SAMMSON: variants seen among roughly 807,000 people sequenced by gnomAD.
SAMMSON encodes the protein survival associated mitochondrial melanoma specific oncogenic non-coding RNA, also known as long intergenic non-protein coding RNA 1212.
intron 6 of SAMMSON, among the ~76,000 whole-genome samples, chr3:70,255,394 G>A (rs1701806629): frequency 6.6e-6 from 1 of 152,074 alleles, no homozygotes; most frequent in South Asian, 2.1e-4. Context: ...AAGTAGATAT[G>A]GAATAAGCAT....
intron 4 of SAMMSON, among the ~76,000 whole-genome samples, chr3:70,104,804 A>G (rs141064430): frequency 1.7e-3 from 259 of 152,216 alleles, no homozygotes; most frequent in African/African-American, 5.7e-3. Context: ...TAGAAGCTCA[A>G]TTACCTCCAG....
chr3:70,003,178 A>G (rs959567689), intron 1 of SAMMSON, among the ~76,000 whole-genome samples: 1 of 152,040 alleles, frequency 6.6e-6, no homozygotes. Flanking sequence ...GTTAGTTTAT[A>G]TGGCATGTAT....
chr3:70,194,554 C>G (rs952409042), intron 4 of SAMMSON, among the ~76,000 whole-genome samples: 1 of 152,174 alleles, frequency 6.6e-6, no homozygotes, highest in Non-Finnish European at 1.5e-5. Flanking sequence ...CCGACCCTTT[C>G]TGTTATAGCA....
rs370834939 is a variant in SAMMSON at position 70,084,825 on chromosome 3, G to A, written n.507+13260G>A. The A allele has an allele frequency of 3.3e-5, 5 of 152,340 alleles. No individual in the cohort carries two copies. The East Asian group carries it at 5.8e-4, about 18-fold the overall frequency. 9.4% of individuals were successfully genotyped at this position (152,340 alleles called of 1,614,324 possible). On this transcript the variant is annotated intron_variant and non_coding_transcript_variant, in intron 4 of 9. Coordinates refer to ENST00000642114, the Ensembl canonical transcript of SAMMSON. ...CTTTGTTTAATTTGCAAGCAATTTT[G>A]TGAGGTAAGTGCCACTAGTATCCCC...
In SAMMSON at chr3:70,218,146, T is replaced by C. The variant is rs571155585; in HGVS notation, n.508-30961T>C. 1.3e-5 allele frequency among the ~76,000 whole-genome samples: 2 copies of C among 152,290 alleles called. 1 individual carries two copies. The highest frequency in any genetic ancestry group is 3.9e-4 in the East Asian group (2 of 5,166). On this transcript the variant is annotated intron_variant and non_coding_transcript_variant, in intron 4 of 9. Coordinates refer to ENST00000642114, the Ensembl canonical transcript of SAMMSON. Reference sequence around the variant, plus strand: ...TTCTTGATAGTCCACTTGGTGGAAATTTAGCCCAGTGGTCTCCAAAGTGGC... The same window carrying C: ...TTCTTGATAGTCCACTTGGTGGAAACTTAGCCCAGTGGTCTCCAAAGTGGC...
At chr3:70,232,404 AT>A (rs200752002) in intron 4 of SAMMSON, among the ~76,000 whole-genome samples, 29,300 of 144,906 alleles carry the variant, frequency 0.2, 2,974 homozygotes, top group Non-Finnish European at 0.24. Flanking sequence ...TGATGTTCCT[AT>A]TTTTTTTTTT....
chr3:70,083,677 G>C (rs1378440739), intron 4 of SAMMSON, among the ~76,000 whole-genome samples: 6 of 152,114 alleles, frequency 3.9e-5, no homozygotes, highest in African/African-American at 1.2e-4. Flanking sequence ...CTGAAGCTTT[G>C]TTTGGTGAAC....
chr3:70,407,937 C>T (rs569853593), intron 2 of SAMMSON, among the ~76,000 whole-genome samples: 1 of 152,372 alleles, frequency 6.6e-6, no homozygotes, highest in African/African-American at 2.4e-5. Context: ...CTAAGCATGT[C>T]CATACTTCTT....
rs985187047 is a variant in SAMMSON, at chr3:70,301,057, A to G, written n.739+9814A>G. Among the ~76,000 whole-genome samples the G allele has an allele frequency of 2.0e-5, 3 of 152,180 alleles. 1 individual carries two copies. Among genetic ancestry groups the G allele is most frequent in the African/African-American group, 7.2e-5 (3 of 41,552 alleles). On this transcript the variant is annotated intron_variant and non_coding_transcript_variant, in intron 7 of 9. Coordinates refer to ENST00000642114, the Ensembl canonical transcript of SAMMSON. ...GCTCTTTATGTTATAGTTTTTCCTC[A>G]TTTAAAAAAGACGATGTTAGCTATT... is the stretch of plus-strand genomic sequence containing the variant.
chr3:70,102,428 A>C (rs1045584774), intron 4 of SAMMSON, among the ~76,000 whole-genome samples: 1 of 152,196 alleles, frequency 6.6e-6, no homozygotes, highest in Non-Finnish European at 1.5e-5. Flanking sequence ...AAATTTGAAG[A>C]CCATCTGTAG....
intron 3 of SAMMSON, among the ~76,000 whole-genome samples, chr3:70,070,504 A>C (rs1282355908): frequency 6.6e-6 from 1 of 152,062 alleles, no homozygotes; most frequent in Admixed American, 6.6e-5. Flanking sequence ...TGCTTTGCCA[A>C]ATATCTTACT....
intron 6 of SAMMSON, among the ~76,000 whole-genome samples, chr3:70,260,111 A>G (rs917648670): frequency 1.3e-5 from 2 of 152,184 alleles, no homozygotes; most frequent in African/African-American, 4.8e-5. Flanking sequence ...ATTGGCTTAC[A>G]GTTCTAAAGG....
chr3:70,289,190 G>T (rs1702201055), intron 6 of SAMMSON, among the ~76,000 whole-genome samples: 1 of 149,900 alleles, frequency 6.7e-6, no homozygotes, highest in Non-Finnish European at 1.5e-5. Flanking sequence ...TTTTGCAGCG[G>T]CTGGTACCGG....
intron 7 of SAMMSON, among the ~76,000 whole-genome samples, chr3:70,303,414 A>T (rs1033708643): frequency 8.5e-5 from 13 of 152,140 alleles, no homozygotes; most frequent in African/African-American, 2.9e-4. Context: ...AGGAAAAAAA[A>T]TTATGCGGAG....
chr3:70,217,313 T>G (rs1374604768), intron 4 of SAMMSON, among the ~76,000 whole-genome samples: 1 of 152,158 alleles, frequency 6.6e-6, no homozygotes, highest in Non-Finnish European at 1.5e-5. Flanking sequence ...TGAATACTCT[T>G]GAAATAAGCA....
intron 4 of SAMMSON, among the ~76,000 whole-genome samples, chr3:70,155,853 A>G (rs1242648389): frequency 6.6e-6 from 1 of 152,078 alleles, no homozygotes; most frequent in East Asian, 1.9e-4. Flanking sequence ...GGAACAAATA[A>G]TAGGGCTAAT....
At chr3:70,204,657 C>CT (rs56842404) in intron 4 of SAMMSON, 32,104 of 144,352 alleles carry the variant, frequency 0.22, 3,765 homozygotes, top group Non-Finnish European at 0.28. Context: ...TATTTTCTTT[C>CT]TTTTTTTTTT....
chr3:70,413,306 G>T (rs980907407), intron 2 of SAMMSON, among the ~76,000 whole-genome samples: 5 of 151,980 alleles, frequency 3.3e-5, no homozygotes, highest in Non-Finnish European at 5.9e-5. Flanking sequence ...CTCAATGGCC[G>T]TTTAGGCTAT....
At chr3:70,115,861 C>G (rs545227324) in intron 4 of SAMMSON, among the ~76,000 whole-genome samples, 1 of 152,234 alleles carries the variant, frequency 6.6e-6, no homozygotes, top group South Asian at 2.1e-4. Context: ...TTTGACCCCT[C>G]AGGGTGCTAA....
Sources: gnomAD v4.1 joint callset for allele counts (sites outside exome capture counted in the v4.1 genomes callset) on GRCh38, gnomAD v4.1.1 for gene constraint, MANE v1.5 for transcripts, NCBI Gene and HGNC (gene_info 2026-07-23, HGNC 2026-07-21) for gene names.